C6: variants seen among roughly 807,000 people sequenced by gnomAD.
C6 encodes the protein complement C6.
C6 carries 101 observed loss-of-function variants against 112.9 expected under a neutral mutation model. The ratio of observed to expected loss-of-function variants is 0.89; its 90% confidence interval spans 0.76 to 1.06. The LOEUF is 1.06. Among genes scored for constraint, C6 ranks in the 50% least tolerant of loss-of-function variants. The probability of loss-of-function intolerance (pLI) is 0.00; values close to 1 mark genes in which losing one functional copy is unlikely to be tolerated. For synonymous variants in C6, 431 were observed against 384.1 expected (o/e 1.12, Z -1.43); for missense variants, 1,202 against 1,104.6 (o/e 1.09, Z -1.25).
At chr5:41,197,658 T>C (rs1281883341) in intron 4 of C6, among the ~76,000 whole-genome samples, 2 of 152,074 alleles carry the variant, frequency 1.3e-5, no homozygotes, top group Non-Finnish European at 2.9e-5. Flanking sequence ...ATTCTATCCA[T>C]TTAGTACTTA....
At chr5:41,146,992 G>A (rs1160543347) in intron 17 of C6, among the ~76,000 whole-genome samples, 2 of 152,064 alleles carry the variant, frequency 1.3e-5, no homozygotes, top group African/African-American at 2.4e-5. Flanking sequence ...AGGAAGAATG[G>A]AAGGTAACAC....
At chr5:41,242,824 G>A (rs55792580) in intron 1 of C6, among the ~76,000 whole-genome samples, 1 of 150,254 alleles carries the variant, frequency 6.7e-6, no homozygotes, top group Non-Finnish European at 1.5e-5. Flanking sequence ...TAAAAAAGAA[G>A]GAAATTCTAT....
intron 9 of C6, among the ~76,000 whole-genome samples, chr5:41,167,194 C>G (rs1409880412): frequency 6.6e-6 from 1 of 152,064 alleles, no homozygotes; most frequent in East Asian, 1.9e-4. Flanking sequence ...CTCAAGTATA[C>G]TTTTATAAAT....
intron 4 of C6, 36 bp from the exon 5 acceptor site, chr5:41,195,969 AT>A: frequency 1.2e-6 from 2 of 1,611,334 alleles, no homozygotes; most frequent in Admixed American, 1.7e-5. Context: ...AATGCAACAA[AT>A]TATCATTTTA....
At chr5:41,220,388 C>T (rs1264157225) in intron 1 of C6, among the ~76,000 whole-genome samples, 3 of 152,116 alleles carry the variant, frequency 2.0e-5, no homozygotes, top group South Asian at 4.1e-4. Context: ...GTCTTCTGCT[C>T]TCTGGTGGAA....
At chr5:41,257,579 A>G (rs1441154279) in intron 1 of C6, among the ~76,000 whole-genome samples, 2 of 152,198 alleles carry the variant, frequency 1.3e-5, no homozygotes, top group Non-Finnish European at 2.9e-5. Flanking sequence ...CTTGATGAAT[A>G]AAGTGTTTGG....
At chr5:41,184,948 T>C (rs763390627) in intron 6 of C6, among the ~76,000 whole-genome samples, 3 of 151,708 alleles carry the variant, frequency 2.0e-5, no homozygotes, top group Non-Finnish European at 4.4e-5. Context: ...ATACTTCCTT[T>C]ATTTTGTTAC....
At chr5:41,209,692 A>T (rs2150387092) in intron 1 of C6, among the ~76,000 whole-genome samples, 1 of 152,314 alleles carries the variant, frequency 6.6e-6, no homozygotes, top group African/African-American at 2.4e-5. Flanking sequence ...GAGAACTACA[A>T]ACCACTGCTC....
chr5:41,258,651 C>A (rs1361052237), intron 1 of C6, among the ~76,000 whole-genome samples: 1 of 152,170 alleles, frequency 6.6e-6, no homozygotes, highest in Non-Finnish European at 1.5e-5. Flanking sequence ...TCTATACGTA[C>A]TGTATTAGCC....
At chr5:41,209,992 C>G in intron 1 of C6, among the ~76,000 whole-genome samples, 1 of 152,130 alleles carries the variant, frequency 6.6e-6, no homozygotes. Context: ...GTAACCAAAA[C>G]AGCATGGTAC....
In C6 at chr5:41,143,013, T is replaced by C. The variant is rs1561081924; in HGVS notation, c.2624-7A>G. 1 of 1,609,678 alleles carries C rather than the reference T, an allele frequency of 6.2e-7. No individual in the cohort carries two copies. The highest frequency in any genetic ancestry group is 1.7e-5 in the Admixed American group (1 of 59,758). On this transcript the variant is annotated splice_polypyrimidine_tract_variant and splice_region_variant and intron_variant, in intron 17 of 17. Transcript: ENST00000337836. The stretch of plus-strand genomic sequence containing the variant: ...ACACATTTGGAAGTGGAGGCTGTAA[T>C]GAGAGAGAGAGAGACAGTGTGACTT...
chr5:41,163,020 T>C (rs921833595), intron 9 of C6, among the ~76,000 whole-genome samples: 1 of 152,178 alleles, frequency 6.6e-6, no homozygotes, highest in African/African-American at 2.4e-5. Flanking sequence ...TGGTAAGGGT[T>C]ATCTGTGAGG....
At chr5:41,170,629 T>C (rs1748349529) in intron 9 of C6, among the ~76,000 whole-genome samples, 1 of 152,146 alleles carries the variant, frequency 6.6e-6, no homozygotes, top group South Asian at 2.1e-4. Context: ...CTTCTCATTT[T>C]GCTTATGCAT....
chr5:41,155,194 C>A lies in C6; in HGVS notation c.1969-90G>T. The A allele has an allele frequency of 2.4e-6, 3 of 1,232,038 alleles. No individual in the cohort carries two copies. The South Asian group carries it at 3.8e-5, about 16-fold the overall frequency. The allele number at this position is 1,232,038 out of a possible 1,614,324, so 76.3% of individuals were successfully genotyped here. A position where few individuals can be genotyped will look rare whatever the true frequency, so the allele number is the denominator to read the frequency against. ...TCACACTGATCCTTTCTATCCTTCA[C>A]TTCTGGATCTACTCAGTCACCAAGT... On this transcript the variant is annotated intron_variant, in intron 13 of 17. Coordinates refer to ENST00000337836, the MANE Select transcript of C6 (RefSeq NM_000065.5).
chr5:41,209,399 G>A (rs965111181), intron 1 of C6, among the ~76,000 whole-genome samples: 39 of 152,008 alleles, frequency 2.6e-4, no homozygotes, highest in African/African-American at 9.2e-4. Flanking sequence ...AGAAATAAAG[G>A]GTATTCAATT....
At chr5:41,219,669 G>A (rs1237871228) in intron 1 of C6, among the ~76,000 whole-genome samples, 1 of 152,156 alleles carries the variant, frequency 6.6e-6, no homozygotes, top group East Asian at 1.9e-4. Flanking sequence ...TGAAATCTTA[G>A]CTAAGTTCGT....
intron 10 of C6, among the ~76,000 whole-genome samples, chr5:41,161,194 T>C (rs1036074085): frequency 2.6e-5 from 4 of 152,198 alleles, no homozygotes; most frequent in African/African-American, 9.6e-5. Context: ...GGCTGATACG[T>C]GGGTAAAGTA....
chr5:41,168,887 C>A (rs996011023), intron 9 of C6, among the ~76,000 whole-genome samples: 7 of 152,144 alleles, frequency 4.6e-5, no homozygotes, highest in Admixed American at 6.6e-5. Flanking sequence ...GAATGGCAAG[C>A]CTTGTAGAGA....
At chr5:41,237,692 G>A (rs1580242018) in intron 1 of C6, among the ~76,000 whole-genome samples, 1 of 43,010 alleles carries the variant, frequency 2.3e-5, no homozygotes, top group Non-Finnish European at 4.5e-5. Flanking sequence ...CTCTCTCACC[G>A]CTCCTATTAA....
Sources: gnomAD v4.1 joint callset for allele counts (sites outside exome capture counted in the v4.1 genomes callset) on GRCh38, gnomAD v4.1.1 for gene constraint, MANE v1.5 for transcripts, NCBI Gene and HGNC (gene_info 2026-07-23, HGNC 2026-07-21) for gene names.